Variants in SLC10A7 observed in about 807,000 individuals in gnomAD.
The protein encoded by SLC10A7 is solute carrier family 10 member 7.
In SLC10A7, 29 loss-of-function variants were observed where a neutral mutation model predicts 43.2. The ratio of observed to expected loss-of-function variants is 0.67; its 90% CI spans 0.50 to 0.92. SLC10A7 has a LOEUF of 0.92. Ranked by LOEUF, SLC10A7 falls within the 40% of genes least tolerant of loss-of-function variation. The pLI is 0.00. For synonymous variants in SLC10A7, 152 were observed against 144.8 expected (o/e 1.05, Z -0.35); for missense variants, 295 against 403.2 (o/e 0.73, Z 2.30).
At chr4:146,436,649 G>A (rs115520395) in intron 5 of SLC10A7, among the ~76,000 whole-genome samples, 2,294 of 152,098 alleles carry the variant, frequency 0.015, 29 homozygotes, top group Non-Finnish European at 0.021. Flanking sequence ...CATGTGCACA[G>A]AGAATTAGTA....
intron 10 of SLC10A7, among the ~76,000 whole-genome samples, chr4:146,265,260 G>A (rs889472009): frequency 3.9e-5 from 6 of 152,208 alleles, no homozygotes; most frequent in African/African-American, 1.2e-4. Context: ...GTATGCAGTG[G>A]AGGCAGAATT....
At chr4:146,472,894 C>A (rs1733701302) in intron 4 of SLC10A7, among the ~76,000 whole-genome samples, 1 of 152,116 alleles carries the variant, frequency 6.6e-6, no homozygotes, top group Admixed American at 6.5e-5. Context: ...GTCTAAAGGC[C>A]ATTCTGCAGC....
intron 6 of SLC10A7, 116 bp from the exon 7 acceptor site, chr4:146,306,125 C>A (rs1578841501): frequency 1.5e-6 from 1 of 670,174 alleles, no homozygotes; most frequent in Non-Finnish European, 2.3e-6. Context: ...TGGTAGCTAT[C>A]TACAAAGAAT....
chr4:146,432,524 G>C (rs1354532523), intron 5 of SLC10A7, among the ~76,000 whole-genome samples: 1 of 152,074 alleles, frequency 6.6e-6, no homozygotes, highest in Non-Finnish European at 1.5e-5. Flanking sequence ...ATTCCATTTA[G>C]ATGACTTTCT....
intron 5 of SLC10A7, among the ~76,000 whole-genome samples, chr4:146,440,577 C>A (rs1398606515): frequency 6.6e-6 from 1 of 152,106 alleles, no homozygotes; most frequent in Non-Finnish European, 1.5e-5. Context: ...TTGTATAAAT[C>A]ACTATCAATT....
chr4:146,503,718 C>T, intron 4 of SLC10A7, 131 bp downstream of exon 4: 3 of 724,912 alleles, frequency 4.1e-6, no homozygotes, highest in Non-Finnish European at 7.1e-6. Flanking sequence ...GAGTACACCT[C>T]CTTCTTTCAC....
intron 5 of SLC10A7, among the ~76,000 whole-genome samples, chr4:146,334,649 A>G (rs1027485958): frequency 6.6e-6 from 1 of 152,074 alleles, no homozygotes; most frequent in Non-Finnish European, 1.5e-5. Flanking sequence ...AAAGAGAAGG[A>G]ATTTTACCTG....
chr4:146,479,778 T>A (rs72731805), intron 4 of SLC10A7, among the ~76,000 whole-genome samples: 6,390 of 150,930 alleles, frequency 0.042, 143 homozygotes, highest in Middle Eastern at 0.065. Context: ...TTCAAAAAAA[T>A]TGTTAGAAAA....
At chr4:146,342,348 A>C (rs569757097) in intron 5 of SLC10A7, among the ~76,000 whole-genome samples, 2 of 151,936 alleles carry the variant, frequency 1.3e-5, no homozygotes, top group East Asian at 3.9e-4. Flanking sequence ...AGATAGTGTT[A>C]AAAGTATAAA....
chr4:146,478,534 G>A (rs1382776702), intron 4 of SLC10A7, among the ~76,000 whole-genome samples: 1 of 152,114 alleles, frequency 6.6e-6, no homozygotes, highest in Non-Finnish European at 1.5e-5. Context: ...GAAAGTTGTG[G>A]GGAAAAATAC....
intron 4 of SLC10A7, among the ~76,000 whole-genome samples, chr4:146,466,120 TAA>T (rs1733009854): frequency 6.6e-6 from 1 of 152,158 alleles, no homozygotes; most frequent in African/African-American, 2.4e-5. Context: ...CCAACTCACT[TAA>T]TTAAATTCAG....
intron 6 of SLC10A7, 145 bp downstream of exon 6, chr4:146,325,816 T>A: frequency 2.7e-6 from 2 of 729,824 alleles, no homozygotes; most frequent in Non-Finnish European, 4.6e-6. Flanking sequence ...ATCTGAATAT[T>A]ATTATGCGGT....
chr4:146,430,761 A>G (rs1729722288), intron 5 of SLC10A7, among the ~76,000 whole-genome samples: 1 of 152,194 alleles, frequency 6.6e-6, no homozygotes, highest in South Asian at 2.1e-4. Context: ...ATGTTACTCT[A>G]GATAACACTA....
At chr4:146,348,157 G>C (rs773541795) in intron 5 of SLC10A7, among the ~76,000 whole-genome samples, 5 of 152,264 alleles carry the variant, frequency 3.3e-5, no homozygotes, top group Admixed American at 6.5e-5. Flanking sequence ...ACAAGGAGTA[G>C]TCACGTTATT....
intron 7 of SLC10A7, among the ~76,000 whole-genome samples, chr4:146,304,436 T>A (rs1403971097): frequency 1.3e-5 from 2 of 152,110 alleles, no homozygotes; most frequent in Non-Finnish European, 2.9e-5. Flanking sequence ...TCCCAGAGAT[T>A]CTGGTATGTT....
chr4:146,391,996 G>A (rs1044931011), intron 5 of SLC10A7, among the ~76,000 whole-genome samples: 1 of 152,174 alleles, frequency 6.6e-6, no homozygotes, highest in Admixed American at 6.6e-5. Context: ...GAACATATCT[G>A]CTGAAACCCG....
intron 2 of SLC10A7, among the ~76,000 whole-genome samples, chr4:146,511,969 C>CTTTTTTTTT (rs765683134): frequency 2.0e-5 from 2 of 98,846 alleles, no homozygotes; most frequent in Non-Finnish European, 3.7e-5. Flanking sequence ...TGCATATACT[C>CTTTTTTTTT]TTTTTTTTTT....
chr4:146,509,207 A>T (rs925903215), intron 3 of SLC10A7, among the ~76,000 whole-genome samples: 9 of 152,148 alleles, frequency 5.9e-5, no homozygotes, highest in Non-Finnish European at 7.4e-5. Flanking sequence ...AGACTCCCCA[A>T]CATGCAAAAC....
intron 5 of SLC10A7, among the ~76,000 whole-genome samples, chr4:146,393,450 T>A (rs547876083): frequency 2.8e-4 from 42 of 152,172 alleles, no homozygotes; most frequent in Non-Finnish European, 5.7e-4. Flanking sequence ...TATCTCTTTA[T>A]ACTTTACACT....
Sources: gnomAD v4.1 joint callset for allele counts (sites outside exome capture counted in the v4.1 genomes callset) on GRCh38, gnomAD v4.1.1 for gene constraint, MANE v1.5 for transcripts, NCBI Gene and HGNC (gene_info 2026-07-23, HGNC 2026-07-21) for gene names.